The following CDC42EP3 variants were observed in gnomAD, a reference collection of about 807,000 sequenced individuals.
The protein encoded by CDC42EP3 is CDC42 effector protein 3.
CDC42EP3 carries 4 observed loss-of-function variants against 15.5 expected under a neutral mutation model. The ratio of observed to expected loss-of-function variants is 0.26; its 90% CI spans 0.13 to 0.59. The LOEUF (loss-of-function observed/expected upper bound fraction) is 0.59, where lower values mean the gene tolerates loss of function less well. Ranked by LOEUF, CDC42EP3 falls within the 20% of genes least tolerant of loss-of-function variation. CDC42EP3 has a pLI of 0.89. For synonymous variants in CDC42EP3, 145 were observed against 130.3 expected (o/e 1.11, Z -0.77); for missense variants, 309 against 311.2 (o/e 0.99, Z 0.05).
chr2:37,662,343 A>G (rs1443369685), intron 1 of CDC42EP3, among the ~76,000 whole-genome samples: 1 of 152,182 alleles, frequency 6.6e-6, no homozygotes, highest in Admixed American at 6.5e-5. Flanking sequence ...AGCCCATATC[A>G]ATGGAAGGGG....
At chr2:37,650,588 T>G (rs987668627) in intron 1 of CDC42EP3, among the ~76,000 whole-genome samples, 2 of 152,244 alleles carry the variant, frequency 1.3e-5, no homozygotes, top group African/African-American at 4.8e-5. Context: ...GGATCACTAC[T>G]GACGAACTGA....
rs762849891 is a variant in CDC42EP3 at position 37,646,261 on chromosome 2, G to C, written c.327C>G (p.Leu109=). The change falls in exon 2 of 2, where the codon CTC becomes CTG. Residue 109 remains leucine (L), a synonymous_variant. Transcript: ENST00000295324. The stretch of plus-strand genomic sequence containing the variant: ...GAGCTTGGGATCCTCCAATGGTCGG[G>C]AGGGAGATGGCATTTTTGAGCACCG... ...PSPVLKNAIS[L]PTIGGSQALM... is the part of the protein sequence containing the mutation. The C allele has an allele frequency of 6.2e-7, 1 of 1,614,098 alleles. No individual in the cohort carries two copies. Among genetic ancestry groups the C allele is most frequent in the African/African-American group, 1.3e-5 (1 of 74,944 alleles).
At chr2:37,670,420 G>A (rs1216195883) in intron 1 of CDC42EP3, among the ~76,000 whole-genome samples, 3 of 150,554 alleles carry the variant, frequency 2.0e-5, no homozygotes, top group East Asian at 1.9e-4. Flanking sequence ...CTCCAAATAC[G>A]CCAGGGCTGG....
At chr2:37,649,445 CAAAAAAAAAAAAAAAAAAAAAAAAAAAA>C (rs57232687) in intron 1 of CDC42EP3, among the ~76,000 whole-genome samples, 1 of 48,154 alleles carries the variant, frequency 2.1e-5, no homozygotes, top group African/African-American at 7.4e-5. Flanking sequence ...GGCCTTGTCT[CAAAAAAAAAAAAAAAAAAAAAAAAAAAA>C]AAAAAAAAAT....
intron 1 of CDC42EP3, among the ~76,000 whole-genome samples, chr2:37,660,392 A>C (rs1405616297): frequency 6.6e-6 from 1 of 152,184 alleles, no homozygotes; most frequent in African/African-American, 2.4e-5. Flanking sequence ...ACCTACATGC[A>C]TCGGTTATCT....
rs76673985 is a variant in CDC42EP3 at position 37,658,411 on chromosome 2, A to T, written c.-235-11589T>A. Among the ~76,000 whole-genome samples the T allele has an allele frequency of 8.1e-3, 1,232 of 152,304 alleles. 23 individuals carry two copies. The highest frequency in any genetic ancestry group is 0.028 in the African/African-American group (1,169 of 41,546). ...AAGCTCCATATTCCTTGTGCACAGT[A>T]GTATTGTACAATGGATTGGAAATGG... On this transcript the variant is annotated intron_variant, in intron 1 of 1. Coordinates refer to ENST00000295324, the MANE Select transcript of CDC42EP3 (RefSeq NM_006449.5).
intron 1 of CDC42EP3, among the ~76,000 whole-genome samples, chr2:37,656,255 A>G (rs1028717856): frequency 6.6e-6 from 1 of 152,230 alleles, no homozygotes; most frequent in Non-Finnish European, 1.5e-5. Flanking sequence ...CGTTATTTGT[A>G]TATGTGTTAC....
intron 1 of CDC42EP3, among the ~76,000 whole-genome samples, chr2:37,665,260 G>A (rs2124636242): frequency 6.6e-6 from 1 of 152,218 alleles, no homozygotes; most frequent in South Asian, 2.1e-4. Flanking sequence ...AGGGCCTGGG[G>A]AACATCCACA....
chr2:37,665,051 CG>C (rs1198043726), intron 1 of CDC42EP3, among the ~76,000 whole-genome samples: 2 of 151,954 alleles, frequency 1.3e-5, no homozygotes, highest in East Asian at 3.9e-4. Context: ...CATGTAGCCC[CG>C]GACCTAAAAG....
chr2:37,645,971 T>TCAAA lies in CDC42EP3; in HGVS notation c.613_616dup (p.Asp206ValfsTer2). 4 of 1,614,006 alleles carry TCAAA rather than the reference T, an allele frequency of 2.5e-6. No individual in the cohort carries two copies. Among genetic ancestry groups the TCAAA allele is most frequent in the Non-Finnish European group, 3.4e-6 (4 of 1,179,932 alleles). On this transcript the variant is annotated stop_gained and frameshift_variant, in exon 2 of 2. Coordinates refer to ENST00000295324, the MANE Select transcript of CDC42EP3 (RefSeq NM_006449.5). LOFTEE classifies it high-confidence loss of function. ...GATGAGCTCGCATGGGGTGGGATGG[T>TCAAA]CAAACATGTCCTCGGCTGGCCAGTC... is the stretch of plus-strand genomic sequence containing the variant.
chr2:37,654,609 G>A (rs771042554), intron 1 of CDC42EP3, among the ~76,000 whole-genome samples: 20 of 152,060 alleles, frequency 1.3e-4, no homozygotes, highest in Non-Finnish European at 2.9e-4. Context: ...GTTACCCTGC[G>A]CCTCCCTGAC....
chr2:37,645,936 T>A lies in CDC42EP3; in HGVS notation c.652A>T (p.Thr218Ser). ...PTPCELIKGK[T>S]KSEESLSDLT... ...TCAGAGAGGGACTCCTCTGACTTAG[T>A]CTTTCCCTTGATGAGCTCGCATGGG... The change falls in exon 2 of 2, where the codon ACT becomes TCT. Residue 218 changes from threonine (T) to serine (S), a missense_variant. Transcript: ENST00000295324. The A allele has an allele frequency of 1.2e-6, 2 of 1,613,952 alleles. No homozygotes were observed. Among genetic ancestry groups the A allele is most frequent in the South Asian group, 1.1e-5 (1 of 91,074 alleles).
chr2:37,645,637 G>C lies in CDC42EP3; in HGVS notation c.*186C>G. On this transcript the variant is annotated 3_prime_UTR_variant, in exon 2 of 2. Transcript: ENST00000295324. ...TCCTTTTTTTGCCAAGATAGGTTTT[G>C]CTTTGTTGTTTTTTTCTAAATTGTT... 5 of 487,760 alleles carry C rather than the reference G, an allele frequency of 1.0e-5. No homozygotes were observed. Among genetic ancestry groups the C allele is most frequent in the Non-Finnish European group, 1.8e-5 (5 of 284,282 alleles). 30.2% of individuals were successfully genotyped at this position (487,760 alleles called of 1,614,324 possible). A position where few individuals can be genotyped will look rare whatever the true frequency, so the allele number is the denominator to read the frequency against.
intron 1 of CDC42EP3, among the ~76,000 whole-genome samples, chr2:37,651,186 A>T (rs1404083305): frequency 1.3e-5 from 2 of 152,260 alleles, no homozygotes; most frequent in African/African-American, 4.8e-5. Context: ...GCTTATCTAT[A>T]GAGTATTTCT....
intron 1 of CDC42EP3, among the ~76,000 whole-genome samples, chr2:37,655,029 A>C (rs1023817703): frequency 1.3e-5 from 2 of 152,210 alleles, no homozygotes; most frequent in African/African-American, 4.8e-5. Context: ...TCATATTTTC[A>C]GTCTGTTTAA....
chr2:37,648,269 C>A (rs1665540483), intron 1 of CDC42EP3, among the ~76,000 whole-genome samples: 1 of 152,246 alleles, frequency 6.6e-6, no homozygotes, highest in Non-Finnish European at 1.5e-5. Context: ...CCCTCAGGCG[C>A]TCCTCCCACT....
intron 1 of CDC42EP3, among the ~76,000 whole-genome samples, chr2:37,656,500 G>C (rs1665850846): frequency 6.6e-6 from 1 of 152,218 alleles, no homozygotes; most frequent in Non-Finnish European, 1.5e-5. Context: ...TGACAAATCT[G>C]AAATGCTTTG....
rs1042080192 is a variant in CDC42EP3 at position 37,671,604 on chromosome 2, G to C, written c.-414C>G. On this transcript the variant is annotated 5_prime_UTR_variant, in exon 1 of 2. Transcript: ENST00000295324. ...GGCCGGGTCTCCGGGCTAGCCCCGC[G>C]CTGCGGTCCCCCGGCCGCGAGAGAA... 2.0e-5 allele frequency: 3 copies of C among 152,356 alleles called. No individual in the cohort carries two copies. The highest frequency in any genetic ancestry group is 7.2e-5 in the African/African-American group (3 of 41,432). The allele number at this position is 152,356 out of a possible 1,614,324, so 9.4% of individuals were successfully genotyped here.
At chr2:37,668,563 T>C (rs1291381055) in intron 1 of CDC42EP3, among the ~76,000 whole-genome samples, 4 of 152,238 alleles carry the variant, frequency 2.6e-5, no homozygotes, top group Admixed American at 2.6e-4. Flanking sequence ...TCAGTTTTTT[T>C]TCCCATCCCC....
Sources: allele counts gnomAD v4.1 joint callset (sites outside exome capture counted in the v4.1 genomes callset), GRCh38; gene constraint gnomAD v4.1.1; transcripts MANE v1.5; gene names NCBI Gene and HGNC (gene_info 2026-07-23, HGNC 2026-07-21).